UHRF2: variants seen among roughly 807,000 people sequenced by gnomAD.
UHRF2 encodes E3 ubiquitin-protein ligase UHRF2.
UHRF2 carries 23 observed loss-of-function variants against 96.8 expected under a neutral mutation model. The ratio of observed to expected loss-of-function variants is 0.24; its 90% CI spans 0.17 to 0.34. The LOEUF is 0.34. Ranked by LOEUF, UHRF2 falls within the 10% of genes least tolerant of loss-of-function variation. The probability of loss-of-function intolerance (pLI) is 1.00; values close to 1 mark genes in which losing one functional copy is unlikely to be tolerated. For synonymous variants in UHRF2, 385 were observed against 332.6 expected (o/e 1.16, Z -1.72); for missense variants, 685 against 981.5 (o/e 0.70, Z 4.04).
Position 6,432,559 on chromosome 9 carries a change from C to G in UHRF2, c.385-1355C>G, listed in dbSNP as rs1356155173. Among the ~76,000 whole-genome samples, 5 of 151,756 alleles carry G rather than the reference C, an allele frequency of 3.3e-5. No homozygotes were observed. The East Asian group carries it at 9.6e-4, about 29-fold the overall frequency. ...CTAGAGGAAGTTAATTTCTCAGAGC[C>G]TTTGTTTCCGTATTTTGTAAAATAG... On this transcript the variant is annotated intron_variant, in intron 2 of 15. Coordinates refer to ENST00000276893, the MANE Select transcript of UHRF2 (RefSeq NM_152896.3).
chr9:6,444,418 T>C (rs889715324), intron 3 of UHRF2, among the ~76,000 whole-genome samples: 1 of 152,188 alleles, frequency 6.6e-6, no homozygotes, highest in African/African-American at 2.4e-5. Flanking sequence ...AAAAAGAACT[T>C]TACAGATACC....
intron 4 of UHRF2, among the ~76,000 whole-genome samples, chr9:6,470,751 G>C (rs1587841695): frequency 6.6e-6 from 1 of 152,100 alleles, no homozygotes. Context: ...GATTATATCA[G>C]GTTTGCACAG....
intron 8 of UHRF2, chr9:6,484,455 CCCTCCTCCTG>C: frequency 6.6e-6 from 1 of 151,044 alleles, no homozygotes; most frequent in Admixed American, 6.6e-5. Flanking sequence ...CCCTCCTCCC[CCCTCCTCCTG>C]GATGCAGTGC....
chr9:6,432,636 A>G (rs1485712550), intron 2 of UHRF2, among the ~76,000 whole-genome samples: 2 of 152,228 alleles, frequency 1.3e-5, no homozygotes, highest in Non-Finnish European at 2.9e-5. Context: ...CTTGCATAAT[A>G]TCTGGCATAC....
chr9:6,471,488 A>C (rs1489954123), intron 4 of UHRF2, among the ~76,000 whole-genome samples: 3 of 152,140 alleles, frequency 2.0e-5, no homozygotes, highest in East Asian at 1.9e-4. Context: ...GTACCACTTC[A>C]AGATGAGGTT....
At chr9:6,453,153 A>G (rs1192828129) in intron 3 of UHRF2, among the ~76,000 whole-genome samples, 1 of 152,198 alleles carries the variant, frequency 6.6e-6, no homozygotes, top group Admixed American at 6.5e-5. Context: ...AGTTTGTACA[A>G]ATTTAGTTTT....
At chr9:6,473,392 G>A (rs1823368935) in intron 4 of UHRF2, among the ~76,000 whole-genome samples, 1 of 152,122 alleles carries the variant, frequency 6.6e-6, no homozygotes, top group African/African-American at 2.4e-5. Flanking sequence ...TATACTACTG[G>A]GTCACCAACT....
At chr9:6,505,232 G>C (rs973892736) in intron 15 of UHRF2, among the ~76,000 whole-genome samples, 13 of 152,028 alleles carry the variant, frequency 8.6e-5, no homozygotes, top group Non-Finnish European at 1.5e-4. Flanking sequence ...GCCTGATCTT[G>C]AGTTAACTGT....
chr9:6,460,577 C>T lies in UHRF2; in HGVS notation c.649C>T (p.Pro217Ser). 6.3e-7 allele frequency: 1 copy of T among 1,598,004 alleles called. No homozygotes were observed. The highest frequency in any genetic ancestry group is 8.5e-7 in the Non-Finnish European group (1 of 1,169,714). Residue 217 changes from proline (P) to serine (S), a missense_variant, in exon 4 of 16, where the codon CCA becomes TCA. Physicochemically the swap from Pro to Ser is moderately conservative, Grantham distance 74. This residue lies in a region of UHRF2 where 391 missense variants were observed against 437.0 expected (regional missense o/e 0.89). Coordinates refer to ENST00000276893, the MANE Select transcript of UHRF2 (RefSeq NM_152896.3). ...VIYHIQYDEY[P>S]ESGTLEMNVK... ...TATGGTTTTCTCTCTCCTCAGATACCCAGAAAGCGGTACTCTAGAAATGAA... is the reference window on the plus strand; with the variant it reads ...TATGGTTTTCTCTCTCCTCAGATACTCAGAAAGCGGTACTCTAGAAATGAA...
At chr9:6,467,595 GTTT>G (rs34366483) in intron 4 of UHRF2, among the ~76,000 whole-genome samples, 1 of 99,168 alleles carries the variant, frequency 1.0e-5, no homozygotes, top group Non-Finnish European at 1.9e-5. Context: ...CGAGAGAATA[GTTT>G]TTTTTTTTTT....
At chr9:6,450,183 A>G (rs12554047) in intron 3 of UHRF2, among the ~76,000 whole-genome samples, 25,468 of 152,072 alleles carry the variant, frequency 0.17, 2,353 homozygotes, top group South Asian at 0.24. Flanking sequence ...TAACCAATCA[A>G]TGTTCATAGT....
chr9:6,456,303 T>C (rs1442202741), intron 3 of UHRF2, among the ~76,000 whole-genome samples: 2 of 152,238 alleles, frequency 1.3e-5, no homozygotes, highest in African/African-American at 4.8e-5. Context: ...TGAGCTTTTT[T>C]TCATATGTTT....
chr9:6,445,981 C>CTTTGTTTTTTTTTTT lies in UHRF2; in HGVS notation c.644+11811_644+11812insGTTTTTTTTTTTTTT, dbSNP rs751155835. On this transcript the variant is annotated intron_variant, in intron 3 of 15. Coordinates refer to ENST00000276893, the MANE Select transcript of UHRF2 (RefSeq NM_152896.3). ...TAAATACTCTTCCCCCCCCGCCACCCTTTTTTTTTTTTTTTTTTTCCTGTT... is the reference window on the plus strand; with the variant it reads ...TAAATACTCTTCCCCCCCCGCCACCCTTTGTTTTTTTTTTTTTTTTTTTTTTTTTTTTTTCCTGTT... 3.5e-4 allele frequency among the ~76,000 whole-genome samples: 28 copies of CTTTGTTTTTTTTTTT among 78,886 alleles called. 2 individuals are homozygous for CTTTGTTTTTTTTTTT. The highest frequency in any genetic ancestry group is 1.4e-3 in the African/African-American group (27 of 19,018). 51.8% of individuals were successfully genotyped at this position (78,886 alleles called of 152,430 possible).
chr9:6,496,887 G>A (rs1000716866), intron 10 of UHRF2: 4 of 204,664 alleles, frequency 2.0e-5, no homozygotes, highest in South Asian at 3.6e-4. Context: ...CCCAACAAAC[G>A]TTATTTAAAG....
intron 9 of UHRF2, among the ~76,000 whole-genome samples, chr9:6,487,195 T>TTA (rs2130928700): frequency 7.5e-6 from 1 of 132,602 alleles, no homozygotes; most frequent in African/African-American, 2.9e-5. Flanking sequence ...TTTTTTTTTT[T>TTA]TTTTTTTTTT....
chr9:6,434,941 C>T (rs1489714725), intron 3 of UHRF2, among the ~76,000 whole-genome samples: 3 of 151,944 alleles, frequency 2.0e-5, no homozygotes, highest in African/African-American at 4.8e-5. Context: ...AGCGATCTTC[C>T]CACCTTAGCC....
At chr9:6,497,447 C>A in intron 11 of UHRF2, 87 bp downstream of exon 11, 1 of 1,444,942 alleles carries the variant, frequency 6.9e-7, no homozygotes, top group Non-Finnish European at 9.4e-7. Context: ...TGGGTGGGCT[C>A]GAGGAAACAG....
intron 1 of UHRF2, chr9:6,414,284 G>A (rs1026799499): frequency 1.3e-5 from 2 of 152,262 alleles, no homozygotes; most frequent in African/African-American, 2.4e-5. Flanking sequence ...TGGGCATGAA[G>A]AAACTGTCGG....
At chr9:6,462,360 C>G (rs1414985592) in intron 4 of UHRF2, among the ~76,000 whole-genome samples, 2 of 151,540 alleles carry the variant, frequency 1.3e-5, no homozygotes, top group African/African-American at 4.9e-5. Context: ...GTGTTGAAAA[C>G]TTAACATTTT....
Sources: gnomAD v4.1 joint callset for allele counts (sites outside exome capture counted in the v4.1 genomes callset) on GRCh38, gnomAD v4.1.1 for gene constraint, gnomAD v4.1.1 regional missense constraint, MANE v1.5 for transcripts, NCBI Gene and HGNC (gene_info 2026-07-23, HGNC 2026-07-21) for gene names.